ALS2: variants seen among roughly 807,000 people sequenced by gnomAD.
ALS2 encodes alsin Rho guanine nucleotide exchange factor ALS2, also known as alsin.
Under a neutral mutation model 203.4 loss-of-function variants are expected in ALS2, and 117 were observed. The ratio of observed to expected loss-of-function variants is 0.58; its 90% CI spans 0.50 to 0.67. The LOEUF (loss-of-function observed/expected upper bound fraction) is 0.67, where lower values mean the gene tolerates loss of function less well. Among genes scored for constraint, ALS2 ranks in the 30% least tolerant of loss-of-function variants. The pLI, the probability that ALS2 is intolerant of heterozygous loss-of-function variation, is 0.00. For synonymous variants in ALS2, 718 were observed against 725.9 expected, an observed-to-expected ratio of 0.99 and a Z score of 0.17; for missense variants, 1,715 against 1,989.4, an observed-to-expected ratio of 0.86 and a Z score of 2.62.
intron 29 of ALS2, among the ~76,000 whole-genome samples, chr2:201,706,482 A>G (rs1228272607): frequency 6.7e-6 from 1 of 149,474 alleles, no homozygotes; most frequent in Non-Finnish European, 1.5e-5. Flanking sequence ...AATGCCAAAG[A>G]TATGTATTCT....
intron 1 of ALS2, among the ~76,000 whole-genome samples, chr2:201,771,810 T>A (rs1301810453): frequency 3.3e-5 from 5 of 152,240 alleles, no homozygotes; most frequent in African/African-American, 1.2e-4. Flanking sequence ...TTAAGGTCTT[T>A]ATCATTCCTT....
intron 11 of ALS2, among the ~76,000 whole-genome samples, chr2:201,740,473 G>A (rs1692200612): frequency 6.6e-6 from 1 of 151,956 alleles, no homozygotes. Context: ...GTGAAATAGA[G>A]GTATTATGAG....
chr2:201,759,383 C>A, intron 4 of ALS2: 4 of 954,808 alleles, frequency 4.2e-6, no homozygotes, highest in Non-Finnish European at 5.0e-6. Flanking sequence ...CAAATAAATT[C>A]CTTGTGAATT....
chr2:201,737,712 A>AG (rs1559060947), intron 12 of ALS2, among the ~76,000 whole-genome samples: 1 of 152,148 alleles, frequency 6.6e-6, no homozygotes, highest in Non-Finnish European at 1.5e-5. Context: ...ACTTGAGGTC[A>AG]GGGGTTTGAG....
intron 13 of ALS2, among the ~76,000 whole-genome samples, chr2:201,731,806 G>T (rs72613733): frequency 0.087 from 13,215 of 152,146 alleles, 649 homozygotes; most frequent in East Asian, 0.24. Flanking sequence ...GAGAAAGAAA[G>T]TGTTAGCAAA....
At chr2:201,728,966 A>C in intron 14 of ALS2, 86 bp downstream of exon 14, 1 of 1,602,522 alleles carries the variant, frequency 6.2e-7, no homozygotes, top group Non-Finnish European at 8.5e-7. Context: ...TACCACAAAC[A>C]AGTGAGGAAC....
In ALS2 at chr2:201,704,061, A is replaced by T. The variant is rs1352673093; in HGVS notation, c.4935+61T>A. ...AAAAAAAGTGGTTAATGGCATTTAT[A>T]ATATGGTAAATGAAAGACAGATATG... On this transcript the variant is annotated intron_variant, in intron 33 of 33. Transcript: ENST00000264276. 1.7e-5 allele frequency: 25 copies of T among 1,441,870 alleles called. No individual in the cohort carries two copies. In the Admixed American group the frequency reaches 3.9e-4, roughly 22 times the overall value. The allele number at this position is 1,441,870 out of a possible 1,614,324, so 89.3% of individuals were successfully genotyped here. A position where few individuals can be genotyped will look rare whatever the true frequency, so the allele number is the denominator to read the frequency against.
At chr2:201,769,699 A>C (rs1481529899) in intron 1 of ALS2, among the ~76,000 whole-genome samples, 1 of 152,260 alleles carries the variant, frequency 6.6e-6, no homozygotes, top group African/African-American at 2.4e-5. Context: ...ATTTCAACTC[A>C]GAAATCCACA....
chr2:201,733,232 C>G, intron 13 of ALS2, 44 bp downstream of exon 13: 1 of 1,602,442 alleles, frequency 6.2e-7, no homozygotes, highest in Non-Finnish European at 8.5e-7. Flanking sequence ...CAACTATGAT[C>G]CTTGGCTTTC....
chr2:201,720,796 T>C (rs1479105498), intron 23 of ALS2, among the ~76,000 whole-genome samples: 10 of 152,024 alleles, frequency 6.6e-5, no homozygotes, highest in Non-Finnish European at 7.4e-5. Flanking sequence ...TGTCCAATCT[T>C]AACATTTTTC....
Position 201,761,314 on chromosome 2 carries a change from G to A in ALS2, c.680C>T (p.Pro227Leu). 6.2e-7 allele frequency: 1 copy of A among 1,614,130 alleles called. No homozygotes were observed. The highest frequency in any genetic ancestry group is 8.5e-7 in the Non-Finnish European group (1 of 1,180,036). The change falls in exon 4 of 34, where the codon CCA (proline) becomes CTA (leucine). Residue 227 changes from proline (P) to leucine (L), a missense_variant. Physicochemically the swap from Pro to Leu is moderately conservative, Grantham distance 98. This residue lies in a region of ALS2 where 476 missense variants were observed against 539.3 expected (regional missense o/e 0.88). Coordinates refer to ENST00000264276, the MANE Select transcript of ALS2 (RefSeq NM_020919.4). ...VQCLPSQDLKPVPERCNQCSQ... is the reference protein window; with the variant it reads ...VQCLPSQDLKLVPERCNQCSQ... ...GCACTGGTTGCATCGTTCTGGGACTGGCTTCAGATCCTGGGAAGGGAGGCA... is the reference window on the plus strand; with the variant it reads ...GCACTGGTTGCATCGTTCTGGGACTAGCTTCAGATCCTGGGAAGGGAGGCA...
intron 6 of ALS2, 137 bp downstream of exon 6, chr2:201,754,366 G>A: frequency 8.8e-7 from 1 of 1,131,120 alleles, no homozygotes; most frequent in Admixed American, 1.7e-5. Context: ...CTTTTTATCA[G>A]AGTTAATGGT....
chr2:201,707,741 G>T, intron 28 of ALS2, 128 bp downstream of exon 28: 2 of 1,300,804 alleles, frequency 1.5e-6, no homozygotes, highest in Non-Finnish European at 2.2e-6. Flanking sequence ...AACCCTCCTG[G>T]CCCCAACCAT....
intron 19 of ALS2, 74 bp downstream of exon 19, chr2:201,726,410 C>T: frequency 1.5e-6 from 2 of 1,293,716 alleles, no homozygotes; most frequent in Non-Finnish European, 2.2e-6. Context: ...AAAAGCAGCT[C>T]TGCATACAAA....
intron 1 of ALS2, among the ~76,000 whole-genome samples, chr2:201,771,346 C>T (rs1201963377): frequency 2.6e-5 from 4 of 152,078 alleles, no homozygotes; most frequent in South Asian, 4.2e-4. Flanking sequence ...CTTGAGCCAC[C>T]GCGCCCGGCC....
chr2:201,703,385 A>G (rs1164513247), intron 33 of ALS2, among the ~76,000 whole-genome samples: 1 of 152,030 alleles, frequency 6.6e-6, no homozygotes, highest in Non-Finnish European at 1.5e-5. Context: ...TTCCACTTTC[A>G]TGTGAAGTTT....
intron 1 of ALS2, among the ~76,000 whole-genome samples, chr2:201,777,173 C>T (rs2106119165): frequency 6.6e-6 from 1 of 152,138 alleles, no homozygotes; most frequent in African/African-American, 2.4e-5. Flanking sequence ...ACAACTTGCT[C>T]CCCTATACTT....
At chr2:201,748,267 G>C (rs1194532232) in intron 8 of ALS2, among the ~76,000 whole-genome samples, 1 of 152,128 alleles carries the variant, frequency 6.6e-6, no homozygotes, top group Non-Finnish European at 1.5e-5. Flanking sequence ...ATGACATTAT[G>C]TTCTCAAATT....
rs74523306 is a variant in ALS2, at chr2:201,769,263, G to A, written c.-60-318C>T. On this transcript the variant is annotated intron_variant, in intron 1 of 33. Transcript: ENST00000264276. ...AAAAAGTTCAATCTGAAAAATCAAT[G>A]TGTTAAGTACAAAAAGTACACACAC... is the stretch of plus-strand genomic sequence containing the variant. Among the ~76,000 whole-genome samples, 5,097 of 152,204 alleles carry A rather than the reference G, an allele frequency of 0.033. 98 individuals are homozygous for A. The highest frequency in any genetic ancestry group is 0.052 in the African/African-American group (2,168 of 41,540).
Sources: allele counts gnomAD v4.1 joint callset (sites outside exome capture counted in the v4.1 genomes callset), GRCh38; gene constraint gnomAD v4.1.1; regional missense constraint gnomAD v4.1.1; transcripts MANE v1.5; gene names NCBI Gene and HGNC (gene_info 2026-07-23, HGNC 2026-07-21).